SLCO3A1: variants seen among roughly 807,000 people sequenced by gnomAD.
SLCO3A1 encodes the protein solute carrier organic anion transporter family member 3A1.
SLCO3A1 carries 27 observed loss-of-function variants against 63.1 expected under a neutral mutation model. The ratio of observed to expected loss-of-function variants is 0.43; its 90% CI spans 0.32 to 0.59. The LOEUF is 0.59. Ranked by LOEUF, SLCO3A1 falls within the 20% of genes least tolerant of loss-of-function variation. The pLI is 0.09. For synonymous variants in SLCO3A1, 473 were observed against 409.9 expected (o/e 1.15, Z -1.86); for missense variants, 773 against 945.8 (o/e 0.82, Z 2.40).
Position 92,152,350 on chromosome 15 carries a change from C to T in SLCO3A1, c.1753+1336C>T, listed in dbSNP as rs945371819. On this transcript the variant is annotated intron_variant, in intron 9 of 9. Coordinates refer to ENST00000318445, the MANE Select transcript of SLCO3A1 (RefSeq NM_013272.4). The stretch of plus-strand genomic sequence containing the variant: ...TTCTATCAATCTGTGATCATTCCCT[C>T]TGTGCCTGGTAGAAGACCTCAGAAT... Among the ~76,000 whole-genome samples the T allele has an allele frequency of 1.1e-4, 17 of 152,360 alleles. 1 individual carries two copies. Among genetic ancestry groups the T allele is most frequent in the African/African-American group, 3.8e-4 (16 of 41,586 alleles).
At chr15:92,003,414 G>C (rs1172726505) in intron 2 of SLCO3A1, among the ~76,000 whole-genome samples, 1 of 152,142 alleles carries the variant, frequency 6.6e-6, no homozygotes, top group South Asian at 2.1e-4. Context: ...TTGCTTATTA[G>C]TACTTTATTA....
chr15:92,095,781 G>T (rs57717400), intron 3 of SLCO3A1, among the ~76,000 whole-genome samples: 56 of 152,246 alleles, frequency 3.7e-4, no homozygotes, highest in African/African-American at 1.3e-3. Context: ...TCTCAGGATC[G>T]ATAAGCATTC....
At chr15:91,961,038 C>G (rs1453902395) in intron 2 of SLCO3A1, among the ~76,000 whole-genome samples, 1 of 152,190 alleles carries the variant, frequency 6.6e-6, no homozygotes, top group Non-Finnish European at 1.5e-5. Context: ...GCTCTCAGGA[C>G]GTTACTCTCT....
At chr15:92,158,060 C>T (rs1298181179) in intron 9 of SLCO3A1, among the ~76,000 whole-genome samples, 5 of 152,186 alleles carry the variant, frequency 3.3e-5, no homozygotes, top group East Asian at 1.9e-4. Context: ...ATGACAACTC[C>T]GTGTCTCTTC....
intron 2 of SLCO3A1, among the ~76,000 whole-genome samples, chr15:92,043,461 C>G (rs1314662014): frequency 1.8e-4 from 27 of 152,148 alleles, no homozygotes; most frequent in Admixed American, 1.8e-3. Flanking sequence ...TCTCACTGGC[C>G]CAGGCAGGCT....
chr15:92,100,173 C>T (rs1218853651), intron 3 of SLCO3A1, among the ~76,000 whole-genome samples: 1 of 139,230 alleles, frequency 7.2e-6, no homozygotes, highest in Non-Finnish European at 1.6e-5. Context: ...CTGTGCCTGG[C>T]TTCATGACAG....
chr15:92,065,887 G>A (rs913965409), intron 2 of SLCO3A1, among the ~76,000 whole-genome samples: 2 of 152,164 alleles, frequency 1.3e-5, no homozygotes, highest in African/African-American at 4.8e-5. Flanking sequence ...CCCCTCACTG[G>A]GAAGTTTAAA....
chr15:92,015,484 A>G (rs1343834834), intron 2 of SLCO3A1, among the ~76,000 whole-genome samples: 1 of 152,120 alleles, frequency 6.6e-6, no homozygotes, highest in Non-Finnish European at 1.5e-5. Context: ...CGAGAACAGC[A>G]TGGGGGAAAC....
chr15:92,027,608 G>A (rs895637387), intron 2 of SLCO3A1, among the ~76,000 whole-genome samples: 20 of 152,156 alleles, frequency 1.3e-4, no homozygotes, highest in African/African-American at 2.2e-4. Flanking sequence ...TGCTCCCGAC[G>A]CATGCATTAA....
intron 1 of SLCO3A1, among the ~76,000 whole-genome samples, chr15:91,911,044 G>T (rs1489118249): frequency 6.6e-6 from 1 of 152,224 alleles, no homozygotes; most frequent in Non-Finnish European, 1.5e-5. Context: ...ATGGGCTCAT[G>T]AATACTTGGC....
chr15:91,918,221 G>A (rs568711954), intron 2 of SLCO3A1, among the ~76,000 whole-genome samples: 3 of 152,226 alleles, frequency 2.0e-5, no homozygotes, highest in African/African-American at 4.8e-5. Context: ...AGGTGGAGGC[G>A]TGGACAGTAG....
At chr15:92,052,649 G>A (rs866642120) in intron 2 of SLCO3A1, among the ~76,000 whole-genome samples, 1 of 152,164 alleles carries the variant, frequency 6.6e-6, no homozygotes, top group African/African-American at 2.4e-5. Flanking sequence ...CTGGCTCCAT[G>A]TAATTTCCAA....
intron 2 of SLCO3A1, among the ~76,000 whole-genome samples, chr15:92,031,015 T>TGAAG (rs2046640643): frequency 9.7e-6 from 1 of 103,048 alleles, no homozygotes; most frequent in Admixed American, 1.1e-4. Context: ...CTGTACCCTG[T>TGAAG]GAGGGAGGGA....
chr15:92,007,801 G>C (rs574617067), intron 2 of SLCO3A1, among the ~76,000 whole-genome samples: 1 of 152,094 alleles, frequency 6.6e-6, no homozygotes, highest in African/African-American at 2.4e-5. Context: ...TAAAATTAGG[G>C]TATTTTGGGA....
chr15:92,002,731 A>G (rs1441414210), intron 2 of SLCO3A1, among the ~76,000 whole-genome samples: 3 of 152,164 alleles, frequency 2.0e-5, no homozygotes, highest in Non-Finnish European at 2.9e-5. Context: ...TTTTTATTGA[A>G]TATTCTATAA....
chr15:91,894,850 C>T lies in SLCO3A1; in HGVS notation c.181-21143C>T, dbSNP rs1389913669. ...ACAGAGGCACAGAACAGTGAAACCC[C>T]CGGAGGGACAGGGAGTGCGTAGAAG... is the stretch of plus-strand genomic sequence containing the variant. On this transcript the variant is annotated intron_variant, in intron 1 of 9. Transcript: ENST00000318445. This position sits in a 1 kb window ranked among gnomAD's most constrained non-coding sequence, Gnocchi z 4.8. 6.6e-6 allele frequency among the ~76,000 whole-genome samples: 1 copy of T among 152,162 alleles called. No homozygotes were observed. Among genetic ancestry groups the T allele is most frequent in the African/African-American group, 2.4e-5 (1 of 41,430 alleles).
chr15:92,143,431 A>T (rs1230142634), intron 7 of SLCO3A1, among the ~76,000 whole-genome samples: 4 of 2,114 alleles, frequency 1.9e-3, no homozygotes, highest in African/African-American at 7.6e-3. Context: ...TATATATATA[A>T]TATATATAAT....
chr15:92,035,342 G>A (rs1353796662), intron 2 of SLCO3A1, among the ~76,000 whole-genome samples: 3 of 151,700 alleles, frequency 2.0e-5, no homozygotes, highest in Non-Finnish European at 4.4e-5. Context: ...TTTTTCCTTC[G>A]TCCAAACTGT....
At chr15:92,166,458 C>T (rs2048494235), downstream of SLCO3A1, among the ~76,000 whole-genome samples, 1 of 152,204 alleles carries the variant, frequency 6.6e-6, no homozygotes, top group East Asian at 1.9e-4. Context: ...GAATAACTCG[C>T]TCTAGTGCTG....
Sources: gnomAD v4.1 joint callset for allele counts (sites outside exome capture counted in the v4.1 genomes callset) on GRCh38, gnomAD v4.1.1 for gene constraint, Gnocchi (gnomAD v3.1) non-coding constraint, MANE v1.5 for transcripts, NCBI Gene and HGNC (gene_info 2026-07-23, HGNC 2026-07-21) for gene names.